Variants in QKI observed in about 807,000 individuals in gnomAD.
The protein encoded by QKI is KH domain-containing RNA-binding protein QKI.
In QKI, 10 loss-of-function variants were observed where a neutral mutation model predicts 39.0. The observed-to-expected ratio is 0.26, with a 90% CI of 0.16 to 0.43. QKI has a LOEUF of 0.43. Among genes scored for constraint, QKI ranks in the 20% least tolerant of loss-of-function variants. QKI has a pLI of 1.00. For missense variants in QKI, 218 were observed against 428.0 expected (o/e 0.51, Z 4.33); for synonymous variants, 204 against 155.4 (o/e 1.31, Z -2.33).
chr6:163,556,238 C>G (rs1211108722), intron 4 of QKI, among the ~76,000 whole-genome samples: 1 of 152,132 alleles, frequency 6.6e-6, no homozygotes, highest in African/African-American at 2.4e-5. Flanking sequence ...GATGGCTGGG[C>G]ACAGTGGCTC....
chr6:163,488,174 T>C (rs191331257), intron 3 of QKI, among the ~76,000 whole-genome samples: 9 of 152,310 alleles, frequency 5.9e-5, no homozygotes, highest in Admixed American at 3.9e-4. Context: ...TTCTTCACAT[T>C]GACTTCTAAA....
At chr6:163,444,104 T>A (rs932503748) in intron 1 of QKI, among the ~76,000 whole-genome samples, 1 of 152,122 alleles carries the variant, frequency 6.6e-6, no homozygotes, top group African/African-American at 2.4e-5. Flanking sequence ...TTTAAGACAT[T>A]TTAGAATATA....
rs1228836757 is a variant in QKI at position 163,534,968 on chromosome 6, T to C, written c.403-14T>C. The C allele has an allele frequency of 1.9e-6, 3 of 1,585,124 alleles. No individual in the cohort carries two copies. The highest frequency in any genetic ancestry group is 1.4e-5 in the African/African-American group (1 of 73,658). ...AGAGAATAATTTTAATCATGTACTCTGTAAATTTTTTAGGAGGAGCAAAAT... is the reference window on the plus strand; with the variant it reads ...AGAGAATAATTTTAATCATGTACTCCGTAAATTTTTTAGGAGGAGCAAAAT... On this transcript the variant is annotated splice_polypyrimidine_tract_variant and intron_variant, in intron 3 of 7. Coordinates refer to ENST00000361752, the MANE Select transcript of QKI (RefSeq NM_006775.3).
At chr6:163,455,632 A>G (rs1367561423) in intron 2 of QKI, among the ~76,000 whole-genome samples, 2 of 152,206 alleles carry the variant, frequency 1.3e-5, no homozygotes. Flanking sequence ...GGAAATGCAC[A>G]TGGTATAGAC....
At chr6:163,561,831 T>C (rs763934933) in intron 4 of QKI, 151 bp from the exon 5 acceptor site, 2 of 494,312 alleles carry the variant, frequency 4.0e-6, no homozygotes, top group Non-Finnish European at 7.1e-6. Context: ...TCCATTATGT[T>C]AGCACCTTTT....
At chr6:163,515,104 G>A (rs890793778) in intron 3 of QKI, among the ~76,000 whole-genome samples, 6 of 152,082 alleles carry the variant, frequency 3.9e-5, no homozygotes, top group African/African-American at 1.4e-4. Context: ...TCACAGGGCA[G>A]AAAACCTGAA....
At chr6:163,541,483 TCTC>T (rs1171464105) in intron 4 of QKI, among the ~76,000 whole-genome samples, 1 of 143,864 alleles carries the variant, frequency 7.0e-6, no homozygotes, top group Non-Finnish European at 1.5e-5. Flanking sequence ...ACTCAGATCT[TCTC>T]CTATGTCTAC....
chr6:163,554,438 C>T (rs568023456), intron 4 of QKI, among the ~76,000 whole-genome samples: 1 of 152,300 alleles, frequency 6.6e-6, no homozygotes, highest in South Asian at 2.1e-4. Context: ...CAGTTTGGAA[C>T]TTAGTAACTG....
intron 4 of QKI, among the ~76,000 whole-genome samples, chr6:163,544,919 T>C (rs1014170112): frequency 1.3e-5 from 2 of 152,156 alleles, no homozygotes; most frequent in African/African-American, 4.8e-5. Context: ...CTGGTCAGTA[T>C]GTAATCACAC....
At chr6:163,556,140 C>CT (rs1207411871) in intron 4 of QKI, among the ~76,000 whole-genome samples, 1 of 152,292 alleles carries the variant, frequency 6.6e-6, no homozygotes, top group Admixed American at 6.5e-5. Context: ...GATCTAGTGT[C>CT]TAAGTCTAGA....
intron 1 of QKI, among the ~76,000 whole-genome samples, chr6:163,420,835 T>C (rs1787941260): frequency 6.6e-6 from 1 of 152,212 alleles, no homozygotes; most frequent in African/African-American, 2.4e-5. Flanking sequence ...AGTGGGACTG[T>C]TAAGAAATTT....
intron 1 of QKI, among the ~76,000 whole-genome samples, chr6:163,439,807 GC>G (rs1376804264): frequency 1.4e-4 from 22 of 151,758 alleles, no homozygotes; most frequent in Non-Finnish European, 2.9e-4. Context: ...GTGCCACCAC[GC>G]CCAGCTAATT....
At chr6:163,485,329 A>G (rs1489897441) in intron 3 of QKI, among the ~76,000 whole-genome samples, 1 of 152,222 alleles carries the variant, frequency 6.6e-6, no homozygotes, top group Non-Finnish European at 1.5e-5. Flanking sequence ...TATTCATGCT[A>G]GGAGGCATGG....
At chr6:163,441,268 C>T (rs1789744445) in intron 1 of QKI, among the ~76,000 whole-genome samples, 1 of 151,996 alleles carries the variant, frequency 6.6e-6, no homozygotes, top group African/African-American at 2.4e-5. Flanking sequence ...TTCTCAAGTC[C>T]AGAATAAAGA....
chr6:163,469,885 G>T (rs1722370093), intron 2 of QKI, among the ~76,000 whole-genome samples: 1 of 152,104 alleles, frequency 6.6e-6, no homozygotes. Context: ...TTTCAACATT[G>T]TTACACCATA....
intron 3 of QKI, among the ~76,000 whole-genome samples, chr6:163,517,385 ACAG>A (rs1256464368): frequency 6.6e-6 from 1 of 152,144 alleles, no homozygotes; most frequent in Non-Finnish European, 1.5e-5. Flanking sequence ...AGAATTTCTC[ACAG>A]CAGTATCTAG....
chr6:163,475,518 T>C (rs2128224423), intron 2 of QKI, among the ~76,000 whole-genome samples: 1 of 152,252 alleles, frequency 6.6e-6, no homozygotes, highest in Non-Finnish European at 1.5e-5. Flanking sequence ...TGAATTTTGG[T>C]GTTTGTGTGG....
At chr6:163,439,666 T>G (rs1464803203) in intron 1 of QKI, among the ~76,000 whole-genome samples, 1 of 148,196 alleles carries the variant, frequency 6.7e-6, no homozygotes, top group Non-Finnish European at 1.5e-5. Flanking sequence ...CTTTTTTTTT[T>G]TTTTTTTGAA....
chr6:163,520,899 A>G (rs903430189), intron 3 of QKI, among the ~76,000 whole-genome samples: 2 of 152,190 alleles, frequency 1.3e-5, no homozygotes, highest in Non-Finnish European at 2.9e-5. Context: ...CCAAATTTTA[A>G]TGAAAGATTG....
Sources: allele counts gnomAD v4.1 joint callset (sites outside exome capture counted in the v4.1 genomes callset), GRCh38; gene constraint gnomAD v4.1.1; transcripts MANE v1.5; gene names NCBI Gene and HGNC (gene_info 2026-07-23, HGNC 2026-07-21).